Variants in PCDH15 observed in about 807,000 individuals in gnomAD.
The protein encoded by PCDH15 is protocadherin related 15.
A neutral mutation model predicts 178.5 loss-of-function variants in PCDH15; 129 were observed. That is an observed-to-expected ratio of 0.72 (90% CI 0.63 to 0.84). The LOEUF (loss-of-function observed/expected upper bound fraction) is 0.84. Ranked by LOEUF, PCDH15 falls within the 40% of genes least tolerant of loss-of-function variation. PCDH15 has a pLI of 0.00. For missense variants in PCDH15, 2,230 were observed against 2,099.9 expected (o/e 1.06, Z -1.21); for synonymous variants, 800 against 732.0 (o/e 1.09, Z -1.50).
At chr10:55,157,024 G>A (rs1171660230) in intron 2 of PCDH15, among the ~76,000 whole-genome samples, 1 of 152,088 alleles carries the variant, frequency 6.6e-6, no homozygotes, top group Non-Finnish European at 1.5e-5. Flanking sequence ...AGATTCATAA[G>A]CCAATGAATA....
chr10:54,572,957 AC>A (rs902083403), intron 2 of PCDH15, among the ~76,000 whole-genome samples: 2 of 152,090 alleles, frequency 1.3e-5, no homozygotes, highest in African/African-American at 4.8e-5. Flanking sequence ...GAAATCACAT[AC>A]CCTTTCAAGT....
chr10:54,737,818 G>A (rs894378601), intron 1 of PCDH15, among the ~76,000 whole-genome samples: 13 of 152,088 alleles, frequency 8.5e-5, no homozygotes, highest in Non-Finnish European at 1.5e-4. Context: ...ATACAGTAAT[G>A]AAAAAGCAGA....
At position 54,044,560 on chromosome 10, in the gene PCDH15, G is replaced by A. The variant is rs550232609; in HGVS notation, c.2221-21363C>T. 7.2e-5 allele frequency among the ~76,000 whole-genome samples: 11 copies of A among 152,254 alleles called. No homozygotes were observed. The South Asian group carries it at 2.3e-3, about 32-fold the overall frequency. ...CTTGTGTTCCTTAGTGTCAATGTGA[G>A]TGGAAGAATTCTGGATTCAGAATCC... On this transcript the variant is annotated intron_variant, in intron 18 of 37. Transcript: ENST00000644397.
chr10:54,381,411 A>T (rs1032464635), intron 3 of PCDH15, among the ~76,000 whole-genome samples: 4 of 151,820 alleles, frequency 2.6e-5, no homozygotes, highest in Non-Finnish European at 4.4e-5. Flanking sequence ...ACACCAGAAT[A>T]CTCTGGGTGT....
At chr10:54,151,543 G>A (rs1392956984) in intron 14 of PCDH15, among the ~76,000 whole-genome samples, 1 of 150,940 alleles carries the variant, frequency 6.6e-6, no homozygotes, top group African/African-American at 2.4e-5. Flanking sequence ...TGGGCTAGGG[G>A]GAAAAAATGT....
At position 54,863,016 on chromosome 10, in the gene PCDH15, G is replaced by A. The variant is rs1050348804; in HGVS notation, c.-29+34434C>T. 7.9e-5 allele frequency among the ~76,000 whole-genome samples: 12 copies of A among 151,984 alleles called. No individual in the cohort carries two copies. In the East Asian group the frequency reaches 2.1e-3, roughly 27 times the overall value. ...ACATATTGTAGTAGAAACACCTAAA[G>A]TATACCACTTTATTTATTTTCTAAC... On this transcript the variant is annotated intron_variant, in intron 3 of 5. Coordinates refer to the PCDH15 transcript ENST00000458638.
At chr10:55,062,954 G>A (rs527593059) in intron 2 of PCDH15, among the ~76,000 whole-genome samples, 2 of 152,078 alleles carry the variant, frequency 1.3e-5, no homozygotes, top group Non-Finnish European at 2.9e-5. Flanking sequence ...AATAAAAGAT[G>A]TATGTGAATT....
chr10:54,954,351 A>G (rs1455885920), intron 2 of PCDH15, among the ~76,000 whole-genome samples: 2 of 151,240 alleles, frequency 1.3e-5, no homozygotes, highest in African/African-American at 4.8e-5. Flanking sequence ...CTCAAAAAAA[A>G]TTCTAATATC....
chr10:54,339,429 A>G (rs185154652), intron 6 of PCDH15, among the ~76,000 whole-genome samples: 3 of 152,332 alleles, frequency 2.0e-5, no homozygotes, highest in Admixed American at 1.3e-4. Flanking sequence ...CATAGAAATT[A>G]AATGCCCCTA....
chr10:55,437,185 T>C (rs1369165968), intron 2 of PCDH15, among the ~76,000 whole-genome samples: 3 of 151,958 alleles, frequency 2.0e-5, no homozygotes, highest in Non-Finnish European at 2.9e-5. Context: ...TATCCAGATT[T>C]ACAGAGGAAG....
At chr10:54,236,351 G>A (rs2054622108) in intron 9 of PCDH15, among the ~76,000 whole-genome samples, 1 of 151,862 alleles carries the variant, frequency 6.6e-6, no homozygotes, top group Non-Finnish European at 1.5e-5. Context: ...AATATTTCGT[G>A]TTCCCTTGGG....
intron 2 of PCDH15, among the ~76,000 whole-genome samples, chr10:55,057,291 T>C (rs192599567): frequency 9.9e-5 from 15 of 152,278 alleles, no homozygotes; most frequent in Admixed American, 9.8e-4. Context: ...TATTTTGGTA[T>C]TCCATGCAAT....
intron 2 of PCDH15, among the ~76,000 whole-genome samples, chr10:54,953,967 T>G (rs552151275): frequency 6.6e-6 from 1 of 151,384 alleles, no homozygotes; most frequent in Admixed American, 6.6e-5. Context: ...TCTGGTACTT[T>G]AAGTGTTAAT....
At chr10:54,441,969 G>T (rs995622613) in intron 3 of PCDH15, among the ~76,000 whole-genome samples, 22 of 151,616 alleles carry the variant, frequency 1.5e-4, no homozygotes, top group Admixed American at 7.9e-4. Context: ...ACCATCAAGG[G>T]AATTAATAAC....
intron 2 of PCDH15, among the ~76,000 whole-genome samples, chr10:54,952,529 T>C (rs938465069): frequency 2.0e-5 from 3 of 151,834 alleles, no homozygotes; most frequent in African/African-American, 7.2e-5. Context: ...CGCTTGTCAG[T>C]ATTCACAGAA....
At chr10:54,858,178 C>T (rs1244630864) in intron 3 of PCDH15, among the ~76,000 whole-genome samples, 1 of 152,136 alleles carries the variant, frequency 6.6e-6, no homozygotes, top group Non-Finnish European at 1.5e-5. Flanking sequence ...CCTTTCTGTG[C>T]CTAGCTTGTT....
chr10:54,555,736 CAAAA>C (rs869032040), intron 2 of PCDH15, among the ~76,000 whole-genome samples: 4 of 73,394 alleles, frequency 5.5e-5, no homozygotes, highest in African/African-American at 5.6e-5. Flanking sequence ...GACTCTGTCT[CAAAA>C]AAAAAAAAAA....
intron 2 of PCDH15, among the ~76,000 whole-genome samples, chr10:54,944,895 A>T (rs926906575): frequency 8.6e-5 from 13 of 151,936 alleles, no homozygotes; most frequent in Admixed American, 8.5e-4. Flanking sequence ...AAGACTGAAT[A>T]ACTTAAATGG....
At chr10:55,343,433 C>A (rs1844657993) in intron 2 of PCDH15, among the ~76,000 whole-genome samples, 1 of 151,936 alleles carries the variant, frequency 6.6e-6, no homozygotes, top group African/African-American at 2.4e-5. Flanking sequence ...TATTCTCTGC[C>A]CTCTACCAAA....
Sources: allele counts gnomAD v4.1 joint callset (sites outside exome capture counted in the v4.1 genomes callset), GRCh38; gene constraint gnomAD v4.1.1; transcripts MANE v1.5; gene names NCBI Gene and HGNC (gene_info 2026-07-23, HGNC 2026-07-21).